Variants in PRDM6 observed in about 807,000 individuals in gnomAD.
The protein encoded by PRDM6 is putative histone-lysine N-methyltransferase PRDM6.
In PRDM6, 25 loss-of-function variants were observed where a neutral mutation model predicts 60.8. The ratio of observed to expected loss-of-function variants is 0.41; its 90% CI spans 0.30 to 0.57. PRDM6 has a LOEUF of 0.57. Among genes scored for constraint, PRDM6 ranks in the 20% least tolerant of loss-of-function variants. PRDM6 has a pLI of 0.27. For synonymous variants in PRDM6, 407 were observed against 357.4 expected, an observed-to-expected ratio of 1.14 and a Z score of -1.57; for missense variants, 839 against 821.3, an observed-to-expected ratio of 1.02 and a Z score of -0.26.
chr5:123,169,728 T>G (rs1022794442), intron 5 of PRDM6, among the ~76,000 whole-genome samples: 2 of 152,130 alleles, frequency 1.3e-5, no homozygotes, highest in African/African-American at 2.4e-5. Context: ...AATAGTGGAG[T>G]TAAAACCTCA....
intron 3 of PRDM6, among the ~76,000 whole-genome samples, chr5:123,122,632 A>G (rs970564521): frequency 2.6e-5 from 4 of 152,068 alleles, no homozygotes; most frequent in Non-Finnish European, 5.9e-5. Context: ...TTTCATTGCA[A>G]TTTTTTTATT....
intron 3 of PRDM6, among the ~76,000 whole-genome samples, chr5:123,130,122 TTCCCTCCCCTCTCCTTCCTC>T (rs1396525749): frequency 7.0e-4 from 28 of 39,896 alleles, no homozygotes; most frequent in South Asian, 3.0e-3. Flanking sequence ...TCCTCTCCCC[TTCCCTCCCCTCTCCTTCCTC>T]TCCCCTTCCC....
intron 3 of PRDM6, among the ~76,000 whole-genome samples, chr5:123,104,790 A>G (rs1000152573): frequency 1.3e-5 from 2 of 152,180 alleles, no homozygotes; most frequent in African/African-American, 2.4e-5. Flanking sequence ...GAGTGTGAGC[A>G]TTTTGTAGTT....
In PRDM6 at chr5:123,090,291, GCCT is replaced by G. The variant is rs1381846929; in HGVS notation, c.284_286del (p.Ser95del). On this transcript the variant is annotated inframe_deletion, in exon 2 of 8. Transcript: ENST00000407847. ...TTCCTCTTCCACCTCCGCCTCCTCCGCCTCCTCCTGCGCTGCTGCGGCCGCTGC... is the reference window on the plus strand; with the variant it reads ...TTCCTCTTCCACCTCCGCCTCCTCCGCCTCCTGCGCTGCTGCGGCCGCTGC... The G allele has an allele frequency of 2.0e-6, 3 of 1,489,660 alleles. No homozygotes were observed. The highest frequency in any genetic ancestry group is 2.9e-5 in the African/African-American group (2 of 68,418). 92.3% of individuals were successfully genotyped at this position (1,489,660 alleles called of 1,614,324 possible).
Position 123,090,455 on chromosome 5 carries a change from C to T in PRDM6, c.441C>T (p.Pro147=), listed in dbSNP as rs529022121. 1.7e-5 allele frequency: 25 copies of T among 1,469,866 alleles called. No homozygotes were observed. The highest frequency in any genetic ancestry group is 1.2e-4 in the South Asian group (9 of 75,910). The allele number at this position is 1,469,866 out of a possible 1,614,324, so 91.1% of individuals were successfully genotyped here. ...LCLGATSGPG[P]VKCGGGGGGG... ...TCGGCGCCACCTCCGGCCCCGGGCC[C>T]GTCAAGTGCGGTGGTGGTGGCGGCG... Residue 147 remains proline, a synonymous_variant, in exon 2 of 8, where the codon CCC becomes CCT. Coordinates refer to ENST00000407847, the MANE Select transcript of PRDM6 (RefSeq NM_001136239.4).
chr5:123,090,368 G>A lies in PRDM6; in HGVS notation c.354G>A (p.Val118=). ...CCCTGCCGGTGTCGCAGCTGCCGGT[G>A]TTCGCGCCTCTAGCCGCCGCTGCCG... ...LSALPVSQLP[V]FAPLAAAAVA... is the part of the protein sequence containing the mutation. The change falls in exon 2 of 8, where the codon GTG becomes GTA. Residue 118 remains valine, a synonymous_variant. Coordinates refer to ENST00000407847, the MANE Select transcript of PRDM6 (RefSeq NM_001136239.4). The A allele has an allele frequency of 6.8e-7, 1 of 1,471,512 alleles. No homozygotes were observed. The highest frequency in any genetic ancestry group is 2.3e-5 in the Admixed American group (1 of 42,634). 91.2% of individuals were successfully genotyped at this position (1,471,512 alleles called of 1,614,324 possible). A position where few individuals can be genotyped will look rare whatever the true frequency, so the allele number is the denominator to read the frequency against.
chr5:123,116,790 C>T (rs931872859), intron 3 of PRDM6, among the ~76,000 whole-genome samples: 1 of 152,116 alleles, frequency 6.6e-6, no homozygotes, highest in Non-Finnish European at 1.5e-5. Flanking sequence ...ATAATTTTAA[C>T]ACTGTATAAT....
At chr5:123,144,014 A>G (rs2126863499) in intron 3 of PRDM6, among the ~76,000 whole-genome samples, 1 of 152,284 alleles carries the variant, frequency 6.6e-6, no homozygotes, top group Middle Eastern at 3.4e-3. Flanking sequence ...TTGTATGCAT[A>G]ACCTCATCTG....
At chr5:123,142,903 C>CAAAA (rs1337695138) in intron 3 of PRDM6, among the ~76,000 whole-genome samples, 1 of 68,126 alleles carries the variant, frequency 1.5e-5, no homozygotes, top group Non-Finnish European at 2.8e-5. Flanking sequence ...AAAAAAAAAA[C>CAAAA]AAACAAACCA....
At chr5:123,171,692 T>G (rs1176345654) in intron 6 of PRDM6, among the ~76,000 whole-genome samples, 1 of 151,546 alleles carries the variant, frequency 6.6e-6, no homozygotes, top group African/African-American at 2.5e-5. Context: ...AGAAAAATGT[T>G]GACTAGATAC....
In PRDM6 at chr5:123,149,775, G is replaced by A. The variant is rs574275698; in HGVS notation, c.901-6109G>A. Among the ~76,000 whole-genome samples the A allele has an allele frequency of 3.1e-4, 47 of 152,150 alleles. No homozygotes were observed. The South Asian group carries it at 7.7e-3, about 25-fold the overall frequency. On this transcript the variant is annotated intron_variant, in intron 3 of 7. Coordinates refer to ENST00000407847, the MANE Select transcript of PRDM6 (RefSeq NM_001136239.4). ...GAGATAAAATATAAACTATTAACAC[G>A]TCAACTGTTTTACTCCTGTATTCCC...
intron 3 of PRDM6, among the ~76,000 whole-genome samples, chr5:123,115,285 C>G: frequency 6.6e-6 from 1 of 152,180 alleles, no homozygotes. Context: ...AAATGTGTTG[C>G]ATCTGTGAAC....
rs1448859398 is a variant in PRDM6 at position 123,187,138 on chromosome 5, C to T, written c.1725C>T (p.His575=). 1 of 1,551,570 alleles carries T rather than the reference C, an allele frequency of 6.4e-7. No homozygotes were observed. Among genetic ancestry groups the T allele is most frequent in the Non-Finnish European group, 8.7e-7 (1 of 1,146,916 alleles). ...CGCAGGCCACCCAGCTGAGCCGACA[C>T]CAGCGGATGCCCAATGAGTGCAAGC... ...SFTQATQLSR[H]QRMPNECKPI... is the part of the protein sequence containing the mutation. The change falls in exon 8 of 8, where the codon CAC becomes CAT. Residue 575 remains histidine, a synonymous_variant. Transcript: ENST00000407847.
At chr5:123,161,664 G>A (rs182100903) in intron 5 of PRDM6, among the ~76,000 whole-genome samples, 3 of 152,302 alleles carry the variant, frequency 2.0e-5, no homozygotes, top group Admixed American at 2.0e-4. Context: ...CATGGGTGCG[G>A]CTGAGTGAGT....
chr5:123,111,104 A>T (rs890404397), intron 3 of PRDM6, among the ~76,000 whole-genome samples: 3 of 152,216 alleles, frequency 2.0e-5, no homozygotes, highest in African/African-American at 7.2e-5. Context: ...CAAGATGAAA[A>T]CATTCTGGAG....
At chr5:123,136,200 C>T (rs981990992) in intron 3 of PRDM6, among the ~76,000 whole-genome samples, 2 of 152,090 alleles carry the variant, frequency 1.3e-5, no homozygotes, top group South Asian at 4.1e-4. Context: ...TGAAGTCAGA[C>T]CTTTATCTCC....
In PRDM6 at chr5:123,099,987, C is replaced by G; in HGVS notation, c.900+26C>G. The G allele has an allele frequency of 6.8e-7, 1 of 1,475,790 alleles. No individual in the cohort carries two copies. 91.4% of individuals were successfully genotyped at this position (1,475,790 alleles called of 1,614,324 possible). A position where few individuals can be genotyped will look rare whatever the true frequency, so the allele number is the denominator to read the frequency against. ...GTAAGTGGCCGGCTGCACAGCGCCT[C>G]CCCACCGAGCAGGAGCCTTGGCCAG... is the stretch of plus-strand genomic sequence containing the variant. On this transcript the variant is annotated intron_variant, in intron 3 of 7. Transcript: ENST00000407847. The surrounding 1 kb of genome is among the most constrained non-coding windows in gnomAD (Gnocchi z 4.0).
intron 5 of PRDM6, among the ~76,000 whole-genome samples, chr5:123,160,310 T>C (rs1219920868): frequency 6.6e-6 from 1 of 152,252 alleles, no homozygotes; most frequent in Non-Finnish European, 1.5e-5. Context: ...ATGTAAACTT[T>C]ATATTTCTGC....
At position 123,189,306 on chromosome 5, in the gene PRDM6, C is replaced by CT. The variant is rs1289682721; in HGVS notation, c.*2110dup. On this transcript the variant is annotated 3_prime_UTR_variant, in exon 8 of 8. Coordinates refer to ENST00000407847, the MANE Select transcript of PRDM6 (RefSeq NM_001136239.4). ...GTTAAGGTTGAAAGATTTACTCAAA[C>CT]TTTTTGAAAACAACAGTAGGGAATC... is the stretch of plus-strand genomic sequence containing the variant. 1.3e-5 allele frequency: 2 copies of CT among 152,128 alleles called. No homozygotes were observed. The highest frequency in any genetic ancestry group is 4.8e-5 in the African/African-American group (2 of 41,412). 9.4% of individuals were successfully genotyped at this position (152,128 alleles called of 1,614,324 possible). A position where few individuals can be genotyped will look rare whatever the true frequency, so the allele number is the denominator to read the frequency against.
Sources: gnomAD v4.1 joint callset for allele counts (sites outside exome capture counted in the v4.1 genomes callset) on GRCh38, gnomAD v4.1.1 for gene constraint, Gnocchi (gnomAD v3.1) non-coding constraint, MANE v1.5 for transcripts, NCBI Gene and HGNC (gene_info 2026-07-23, HGNC 2026-07-21) for gene names.